Variants in ZNF624 observed in about 807,000 individuals in gnomAD.
The protein encoded by ZNF624 is zinc finger protein 624.
ZNF624 carries 43 observed loss-of-function variants against 74.7 expected under a neutral mutation model. That is an observed-to-expected ratio of 0.58 (90% CI 0.45 to 0.74). The LOEUF (loss-of-function observed/expected upper bound fraction) is 0.74. ZNF624 is among the 30% of genes least tolerant of loss of function. The pLI, the probability that ZNF624 is intolerant of heterozygous loss-of-function variation, is 0.00. For synonymous variants in ZNF624, 331 were observed against 341.3 expected (o/e 0.97, Z 0.33); for missense variants, 820 against 1,030.0 (o/e 0.80, Z 2.79).
intron 3 of ZNF624, among the ~76,000 whole-genome samples, chr17:16,641,394 C>A (rs980370075): frequency 6.6e-6 from 1 of 152,102 alleles, no homozygotes; most frequent in Admixed American, 6.6e-5. Flanking sequence ...GGGATCCTCC[C>A]GTCTCAGCAT....
Position 16,623,030 on chromosome 17 carries a change from C to G in ZNF624, c.1856G>C (p.Arg619Thr). The change falls in exon 6 of 6, where the codon AGG becomes ACG. Residue 619 changes from arginine (R) to threonine (T), a missense_variant. Transcript: ENST00000311331. This position sits in a 1 kb window ranked among gnomAD's most constrained non-coding sequence, Gnocchi z 5.3. ...EKPYKCTDCERAFTKMVNLKE... is the reference protein window; with the variant it reads ...EKPYKCTDCETAFTKMVNLKE... ...GAGATTTACCATTTTGGTGAATGCC[C>G]TCTCGCAGTCAGTACATTTATATGG... 6.2e-7 allele frequency: 1 copy of G among 1,613,718 alleles called. No individual in the cohort carries two copies. Among genetic ancestry groups the G allele is most frequent in the Non-Finnish European group, 8.5e-7 (1 of 1,179,860 alleles).
chr17:16,640,111 GA>G (rs1909431758), intron 3 of ZNF624, among the ~76,000 whole-genome samples: 2 of 152,036 alleles, frequency 1.3e-5, no homozygotes, highest in Admixed American at 6.6e-5. Flanking sequence ...TTTTAGAGTT[GA>G]AAAGTATAAT....
At chr17:16,630,563 A>G (rs1909182343) in intron 5 of ZNF624, among the ~76,000 whole-genome samples, 1 of 152,230 alleles carries the variant, frequency 6.6e-6, no homozygotes, top group Admixed American at 6.5e-5. Flanking sequence ...GTCTCAAAAA[A>G]ATAAAAAATT....
intron 1 of ZNF624, among the ~76,000 whole-genome samples, chr17:16,650,956 T>C (rs1342580504): frequency 6.6e-6 from 1 of 152,118 alleles, no homozygotes; most frequent in Non-Finnish European, 1.5e-5. Flanking sequence ...GAAAAGATAC[T>C]TGAAGTACTT....
chr17:16,632,610 T>C (rs1909231873), intron 5 of ZNF624, among the ~76,000 whole-genome samples: 2 of 152,354 alleles, frequency 1.3e-5, no homozygotes, highest in South Asian at 4.1e-4. Flanking sequence ...CATGGCATCA[T>C]AATAAAATGA....
chr17:16,624,546 C>T (rs755546485), intron 5 of ZNF624, 37 bp from the exon 6 acceptor site: 2 of 1,519,478 alleles, frequency 1.3e-6, no homozygotes, highest in Non-Finnish European at 1.8e-6. Flanking sequence ...TAATTCCTTT[C>T]CTAAGCTGGG....
chr17:16,617,779 T>G, downstream of ZNF624: 4 of 1,611,070 alleles, frequency 2.5e-6, no homozygotes, highest in Non-Finnish European at 3.4e-6. Context: ...CCGTAGCCAT[T>G]TTTGAGGTCT....
At chr17:16,651,429 C>CA (rs34186812) in intron 1 of ZNF624, among the ~76,000 whole-genome samples, 866 of 84,290 alleles carry the variant, frequency 0.01, 6 homozygotes, top group African/African-American at 0.022. Flanking sequence ...GACTCCATCT[C>CA]AAAAAAAAAA....
At chr17:16,650,363 A>C (rs1909694479) in intron 1 of ZNF624, among the ~76,000 whole-genome samples, 1 of 151,944 alleles carries the variant, frequency 6.6e-6, no homozygotes, top group African/African-American at 2.4e-5. Context: ...ATTCAAATAG[A>C]TCTTTATCCT....
At chr17:16,642,338 G>C (rs1161073589) in intron 3 of ZNF624, among the ~76,000 whole-genome samples, 1 of 152,146 alleles carries the variant, frequency 6.6e-6, no homozygotes, top group Non-Finnish European at 1.5e-5. Context: ...TACATCAATG[G>C]AATAGAACTG....
chr17:16,651,916 AAT>A (rs944606836), intron 1 of ZNF624, among the ~76,000 whole-genome samples: 5 of 152,180 alleles, frequency 3.3e-5, no homozygotes, highest in Admixed American at 2.0e-4. Flanking sequence ...AGTTTAATAT[AAT>A]GTTAACATGT....
intron 1 of ZNF624, chr17:16,653,501 G>A (rs1227345438): frequency 6.6e-6 from 1 of 152,366 alleles, no homozygotes; most frequent in African/African-American, 2.4e-5. Flanking sequence ...GCGCCGCCAG[G>A]CCCGCAGGGA....
Position 16,623,586 on chromosome 17 carries a change from G to A in ZNF624, c.1300C>T (p.His434Tyr), listed in dbSNP as rs751845356. The part of the protein sequence containing the change: ...AFRNKSYLSV[H>Y]QKTHTEEKPY... ...TTCTCTTCAGTGTGGGTCTTCTGAT[G>A]TACACTAAGATATGACTTGTTCCTA... is the stretch of plus-strand genomic sequence containing the variant. The change falls in exon 6 of 6, where the codon CAT (histidine) becomes TAT (tyrosine). Residue 434 changes from histidine to tyrosine, a missense_variant. Physicochemically the swap from His to Tyr is moderately conservative, Grantham distance 83 (BLOSUM62 2). Transcript: ENST00000311331. The surrounding 1 kb of genome is among the most constrained non-coding windows in gnomAD (Gnocchi z 5.3). 7.4e-6 allele frequency: 12 copies of A among 1,611,576 alleles called. No individual in the cohort carries two copies. The highest frequency in any genetic ancestry group is 1.7e-6 in the Non-Finnish European group (2 of 1,179,240).
Position 16,623,202 on chromosome 17 carries a change from C to G in ZNF624, c.1684G>C (p.Gly562Arg), listed in dbSNP as rs1181778081. 3.1e-6 allele frequency: 5 copies of G among 1,613,700 alleles called. No individual in the cohort carries two copies. The highest frequency in any genetic ancestry group is 1.7e-5 in the Admixed American group (1 of 59,998). The change falls in exon 6 of 6, where the codon GGA becomes CGA. Residue 562 changes from glycine to arginine, a missense_variant. By Grantham distance (125) the Gly-to-Arg change is moderately radical. Coordinates refer to ENST00000311331, the MANE Select transcript of ZNF624 (RefSeq NM_020787.4). The surrounding 1 kb of genome is among the most constrained non-coding windows in gnomAD (Gnocchi z 5.3). ...GEKPYKCTEC[G>R]KAFMRSSSLI... ...GAAGAAGAACGCATGAAGGCCTTTCCACATTCAGTACATTTATAAGGTTTC... is the reference window on the plus strand; with the variant it reads ...GAAGAAGAACGCATGAAGGCCTTTCGACATTCAGTACATTTATAAGGTTTC...
chr17:16,616,873 C>T, downstream of ZNF624: 1 of 1,395,888 alleles, frequency 7.2e-7, no homozygotes. Flanking sequence ...CGACCTGGAC[C>T]TTGATCTTGA....
intron 5 of ZNF624, among the ~76,000 whole-genome samples, chr17:16,630,919 T>A (rs1909192137): frequency 7.1e-6 from 1 of 140,696 alleles, no homozygotes; most frequent in African/African-American, 2.5e-5. Context: ...TAGAATAAGC[T>A]GTAAGTATAC....
intron 3 of ZNF624, among the ~76,000 whole-genome samples, chr17:16,646,062 C>A (rs1375708670): frequency 1.3e-5 from 2 of 151,328 alleles, no homozygotes; most frequent in African/African-American, 4.9e-5. Flanking sequence ...ATCACTGGTT[C>A]TATTAAAAGT....
intron 3 of ZNF624, among the ~76,000 whole-genome samples, chr17:16,640,346 T>G (rs1195448715): frequency 6.6e-6 from 1 of 151,998 alleles, no homozygotes; most frequent in Non-Finnish European, 1.5e-5. Flanking sequence ...ATTTATACCT[T>G]AAGGAACTAG....
intron 3 of ZNF624, among the ~76,000 whole-genome samples, chr17:16,637,433 A>C (rs1318737369): frequency 1.3e-5 from 2 of 152,252 alleles, no homozygotes; most frequent in South Asian, 4.1e-4. Flanking sequence ...AAAAGAACAA[A>C]GCTGGAGGCA....
Sources: allele counts gnomAD v4.1 joint callset (sites outside exome capture counted in the v4.1 genomes callset), GRCh38; gene constraint gnomAD v4.1.1; non-coding constraint Gnocchi (gnomAD v3.1); transcripts MANE v1.5; gene names NCBI Gene and HGNC (gene_info 2026-07-23, HGNC 2026-07-21).